Variants in NPRL3 observed in about 807,000 individuals in gnomAD.
The protein encoded by NPRL3 is NPR3 like, GATOR1 complex subunit.
NPRL3 carries 23 observed loss-of-function variants against 57.2 expected under a neutral mutation model. The observed-to-expected ratio is 0.40, with a 90% CI of 0.29 to 0.57. The LOEUF (loss-of-function observed/expected upper bound fraction) is 0.57, where lower values mean the gene tolerates loss of function less well. NPRL3 is among the 20% of genes least tolerant of loss of function. The pLI is 0.42. For missense variants in NPRL3, 691 were observed against 767.1 expected, an observed-to-expected ratio of 0.90 and a Z score of 1.17; for synonymous variants, 333 against 321.1, an observed-to-expected ratio of 1.04 and a Z score of -0.39.
chr16:109,217 T>G (rs1899671954), intron 7 of NPRL3, among the ~76,000 whole-genome samples: 1 of 152,094 alleles, frequency 6.6e-6, no homozygotes, highest in Non-Finnish European at 1.5e-5. Flanking sequence ...AATCCGCCCC[T>G]CAGCCTCCCA....
chr16:137,128 G>A (rs541158794), intron 2 of NPRL3, among the ~76,000 whole-genome samples: 1 of 151,992 alleles, frequency 6.6e-6, no homozygotes, highest in East Asian at 1.9e-4. Context: ...GCTGAGGCAG[G>A]AGAATCCCTT....
intron 9 of NPRL3, among the ~76,000 whole-genome samples, chr16:95,352 C>CAT: frequency 4.6e-5 from 1 of 21,854 alleles, no homozygotes; most frequent in African/African-American, 8.3e-5. Flanking sequence ...TATATATATA[C>CAT]ACACACACAC....
intron 9 of NPRL3, among the ~76,000 whole-genome samples, chr16:96,174 C>G (rs8054844): frequency 0.067 from 10,255 of 152,204 alleles, 1,113 homozygotes; most frequent in African/African-American, 0.23. Context: ...GAGAGGCACA[C>G]TGTCCACACA....
chr16:129,653 C>T (rs1206919772), intron 3 of NPRL3, among the ~76,000 whole-genome samples: 1 of 152,186 alleles, frequency 6.6e-6, no homozygotes, highest in African/African-American at 2.4e-5. Context: ...CCCATCTCTA[C>T]AATCAATCAA....
In NPRL3 at chr16:88,899, G is replaced by C. The variant is rs539074617; in HGVS notation, c.1352-9C>G. The stretch of plus-strand genomic sequence containing the variant: ...CATGTCATCGCTGCTGGCTGTGGGG[G>C]ACATGGGTCAGGGTGACCAAGTGGA... On this transcript the variant is annotated splice_polypyrimidine_tract_variant and intron_variant, in intron 12 of 13. Transcript: ENST00000611875. 3.1e-6 allele frequency: 5 copies of C among 1,606,122 alleles called. No individual in the cohort carries two copies. Among genetic ancestry groups the C allele is most frequent in the Middle Eastern group, 3.3e-4 (2 of 6,038 alleles).
intron 7 of NPRL3, among the ~76,000 whole-genome samples, chr16:107,625 G>T (rs1596516857): frequency 6.7e-6 from 1 of 148,750 alleles, no homozygotes. Context: ...AGAAGAAAAA[G>T]AAATATAAAG....
chr16:110,224 G>C lies in NPRL3; in HGVS notation c.629+301C>G, dbSNP rs367792819. Among the ~76,000 whole-genome samples, 13 of 152,230 alleles carry C rather than the reference G, an allele frequency of 8.5e-5. No homozygotes were observed. The South Asian group carries it at 2.1e-3, about 24-fold the overall frequency. The stretch of plus-strand genomic sequence containing the variant: ...GCAGAGGTTGCTGTGAGCCGAGATC[G>C]TGCCGCTGCACTCTAGCCTGGGCAA... On this transcript the variant is annotated intron_variant, in intron 7 of 13. Coordinates refer to ENST00000611875, the MANE Select transcript of NPRL3 (RefSeq NM_001077350.3).
intron 3 of NPRL3, among the ~76,000 whole-genome samples, chr16:128,802 T>G (rs560798342): frequency 6.6e-6 from 1 of 151,942 alleles, no homozygotes; most frequent in Admixed American, 6.6e-5. Context: ...GAGAGTGGAT[T>G]TGATGCACTT....
intron 7 of NPRL3, among the ~76,000 whole-genome samples, chr16:110,144 CT>C (rs1212997234): frequency 1.3e-5 from 2 of 152,198 alleles, no homozygotes; most frequent in Non-Finnish European, 2.9e-5. Context: ...TGGCGCATGC[CT>C]GTAATCCCAG....
At chr16:129,271 G>A (rs1047273002) in intron 3 of NPRL3, among the ~76,000 whole-genome samples, 1 of 152,136 alleles carries the variant, frequency 6.6e-6, no homozygotes, top group Non-Finnish European at 1.5e-5. Context: ...CACAGGTGGA[G>A]GGAGAACAGG....
intron 7 of NPRL3, among the ~76,000 whole-genome samples, chr16:100,749 C>A (rs1330459915): frequency 3.7e-5 from 5 of 136,016 alleles, no homozygotes; most frequent in African/African-American, 1.4e-4. Context: ...GTGGGCGGAT[C>A]ACGAGGTCAG....
intron 13 of NPRL3, among the ~76,000 whole-genome samples, chr16:87,791 C>T (rs1281696852): frequency 2.0e-5 from 3 of 148,810 alleles, no homozygotes; most frequent in South Asian, 2.1e-4. Context: ...AGGATGATCT[C>T]GATCTCCTGA....
At position 138,355 on chromosome 16, in the gene NPRL3, G is replaced by A. The variant is rs1055235911; in HGVS notation, c.-67-21C>T. On this transcript the variant is annotated intron_variant, in intron 1 of 13. Coordinates refer to ENST00000611875, the MANE Select transcript of NPRL3 (RefSeq NM_001077350.3). ...GGGGCCTGAGGAGGACGGAGCCGGAGGCGGAGGGGGCCTGAGGAGGACGAG... is the reference window on the plus strand; with the variant it reads ...GGGGCCTGAGGAGGACGGAGCCGGAAGCGGAGGGGGCCTGAGGAGGACGAG... The A allele has an allele frequency of 2.0e-5, 14 of 713,672 alleles. 1 individual carries two copies. In the Admixed American group the frequency reaches 2.7e-4, roughly 14 times the overall value. 44.2% of individuals were successfully genotyped at this position (713,672 alleles called of 1,614,324 possible). A position where few individuals can be genotyped will look rare whatever the true frequency, so the allele number is the denominator to read the frequency against.
Position 127,708 on chromosome 16 carries a change from G to A in NPRL3, c.188+2814C>T, listed in dbSNP as rs552087421. ...CTCACTCTGTTGCCCAGGCTGGAGT[G>A]CAGTGGCACAATCTTGGCTCACTGC... On this transcript the variant is annotated intron_variant, in intron 3 of 13. Transcript: ENST00000611875. Among the ~76,000 whole-genome samples the A allele has an allele frequency of 2.5e-4, 38 of 149,454 alleles. 1 individual carries two copies. Among genetic ancestry groups the A allele is most frequent in the African/African-American group, 9.1e-4 (37 of 40,532 alleles).
At chr16:117,694 C>T (rs1320848940) in intron 4 of NPRL3, among the ~76,000 whole-genome samples, 3 of 152,204 alleles carry the variant, frequency 2.0e-5, no homozygotes, top group Non-Finnish European at 4.4e-5. Context: ...TTCCCGTGCC[C>T]GCCTGCATCC....
At chr16:127,235 A>ATT (rs35559832) in intron 3 of NPRL3, 384 of 99,774 alleles carry the variant, frequency 3.8e-3, no homozygotes, top group Non-Finnish European at 4.6e-3. Flanking sequence ...GCACTGTCCA[A>ATT]TTTTTTTTTT....
chr16:87,248 G>C (rs1406289912), intron 13 of NPRL3, among the ~76,000 whole-genome samples: 1 of 149,772 alleles, frequency 6.7e-6, no homozygotes, highest in Admixed American at 6.6e-5. Context: ...TCCTTTTTTT[G>C]AGAGACGGAG....
At chr16:121,862 C>G (rs1426518992) in intron 3 of NPRL3, among the ~76,000 whole-genome samples, 1 of 151,864 alleles carries the variant, frequency 6.6e-6, no homozygotes, top group Non-Finnish European at 1.5e-5. Flanking sequence ...GCAACCTCCG[C>G]CTCCCGAGTT....
At chr16:87,126 G>C (rs1045656325) in intron 13 of NPRL3, among the ~76,000 whole-genome samples, 10 of 152,244 alleles carry the variant, frequency 6.6e-5, no homozygotes, top group Non-Finnish European at 1.0e-4. Context: ...AAACCCAGAG[G>C]TGCCCAAGCC....
Sources: allele counts gnomAD v4.1 joint callset (sites outside exome capture counted in the v4.1 genomes callset), GRCh38; gene constraint gnomAD v4.1.1; transcripts MANE v1.5; gene names NCBI Gene and HGNC (gene_info 2026-07-23, HGNC 2026-07-21).